Variants in PID1 observed in about 807,000 individuals in gnomAD.
PID1 encodes the protein PTB-containing, cubilin and LRP1-interacting protein.
In PID1, 10 loss-of-function variants were observed where a neutral mutation model predicts 19.1. The ratio of observed to expected loss-of-function variants is 0.52; its 90% CI spans 0.32 to 0.89. The LOEUF is 0.89. Among genes scored for constraint, PID1 ranks in the 40% least tolerant of loss-of-function variants. PID1 has a pLI of 0.03. For synonymous variants in PID1, 130 were observed against 116.0 expected (o/e 1.12, Z -0.78); for missense variants, 248 against 285.3 (o/e 0.87, Z 0.94).
chr2:229,179,573 A>G (rs1690895533), intron 1 of PID1, among the ~76,000 whole-genome samples: 1 of 152,214 alleles, frequency 6.6e-6, no homozygotes, highest in Non-Finnish European at 1.5e-5. Flanking sequence ...CATAGCGTCC[A>G]TTTAGTAAGA....
chr2:229,177,727 T>TTCATCA (rs375569112), intron 1 of PID1, among the ~76,000 whole-genome samples: 18 of 151,850 alleles, frequency 1.2e-4, no homozygotes, highest in African/African-American at 3.1e-4. Flanking sequence ...CCTGGCATCT[T>TTCATCA]TCATCATCAT....
intron 2 of PID1, among the ~76,000 whole-genome samples, chr2:229,069,141 TTTTGTGTGTG>T (rs897792259): frequency 3.9e-5 from 5 of 128,710 alleles, no homozygotes; most frequent in East Asian, 2.9e-4. Context: ...CGAGAAGGGT[TTTTGTGTGTG>T]TGTGTGTGTG....
intron 1 of PID1, among the ~76,000 whole-genome samples, chr2:229,235,764 A>G (rs1469787625): frequency 1.3e-5 from 2 of 152,152 alleles, no homozygotes; most frequent in Non-Finnish European, 2.9e-5. Context: ...AATCATTCCA[A>G]GAAACTGGCT....
intron 1 of PID1, among the ~76,000 whole-genome samples, chr2:229,218,697 T>G (rs531046888): frequency 4.6e-5 from 7 of 152,242 alleles, no homozygotes; most frequent in Non-Finnish European, 7.4e-5. Flanking sequence ...TTAGGAGCCC[T>G]GGGATTTAGG....
chr2:229,076,501 G>A (rs759997756), intron 2 of PID1, among the ~76,000 whole-genome samples: 10 of 151,908 alleles, frequency 6.6e-5, no homozygotes, highest in South Asian at 4.2e-4. Flanking sequence ...CCATCAACTC[G>A]TCATCTACAT....
chr2:229,176,442 G>C (rs1003610896), intron 1 of PID1, among the ~76,000 whole-genome samples: 1 of 152,080 alleles, frequency 6.6e-6, no homozygotes, highest in African/African-American at 2.4e-5. Flanking sequence ...GTTTCTATTA[G>C]GGAACCAGGC....
intron 2 of PID1, among the ~76,000 whole-genome samples, chr2:229,131,860 A>G (rs945130119): frequency 6.6e-6 from 1 of 152,158 alleles, no homozygotes; most frequent in Non-Finnish European, 1.5e-5. Flanking sequence ...ATTTATCTCA[A>G]TATCAGTCAT....
chr2:229,112,196 G>T (rs1559238086), intron 2 of PID1, among the ~76,000 whole-genome samples: 2 of 152,098 alleles, frequency 1.3e-5, no homozygotes, highest in Non-Finnish European at 2.9e-5. Context: ...CATAAACTTT[G>T]TATTATTATT....
intron 2 of PID1, among the ~76,000 whole-genome samples, chr2:229,136,485 T>C (rs1325080212): frequency 6.6e-6 from 1 of 152,232 alleles, no homozygotes; most frequent in African/African-American, 2.4e-5. Context: ...TGTTTTCTGG[T>C]ATTTCACTGG....
intron 2 of PID1, among the ~76,000 whole-genome samples, chr2:229,076,147 C>A (rs182963367): frequency 1.3e-5 from 2 of 152,222 alleles, no homozygotes; most frequent in African/African-American, 4.8e-5. Flanking sequence ...TTGCGTAGGG[C>A]CCAGTAATCT....
intron 2 of PID1, among the ~76,000 whole-genome samples, chr2:229,084,527 G>T (rs149186049): frequency 2.7e-4 from 41 of 152,244 alleles, no homozygotes; most frequent in African/African-American, 9.4e-4. Context: ...TATGAATTGC[G>T]ACTGTCTCAT....
intron 1 of PID1, among the ~76,000 whole-genome samples, chr2:229,167,469 T>C (rs1690623346): frequency 6.6e-6 from 1 of 152,052 alleles, no homozygotes; most frequent in South Asian, 2.1e-4. Context: ...CTGAATGTGA[T>C]CATTAGAAAA....
chr2:229,049,482 G>C (rs776579529), intron 2 of PID1, among the ~76,000 whole-genome samples: 15 of 152,130 alleles, frequency 9.9e-5, no homozygotes, highest in Non-Finnish European at 2.1e-4. Context: ...GTGGGTAGCT[G>C]AATTTATTTG....
chr2:229,029,808 C>T (rs1693507894), intron 2 of PID1, among the ~76,000 whole-genome samples: 1 of 149,722 alleles, frequency 6.7e-6, no homozygotes, highest in African/African-American at 2.5e-5. Context: ...TCACTGCACT[C>T]CAGCCTGGGT....
At chr2:229,217,395 T>G (rs1390714371) in intron 1 of PID1, among the ~76,000 whole-genome samples, 1 of 152,208 alleles carries the variant, frequency 6.6e-6, no homozygotes, top group Non-Finnish European at 1.5e-5. Flanking sequence ...AAGAAGAAAT[T>G]CAGTCAGAAA....
Position 229,027,445 on chromosome 2 carries a change from T to C in PID1, c.178-1337A>G, listed in dbSNP as rs544160120. On this transcript the variant is annotated intron_variant, in intron 2 of 2. Transcript: ENST00000392055. Reference sequence around the variant, plus strand: ...AGCACAGTCTTTGAGGCAGGTGAAGTTGAGGTTTAAATCCTAGCTCCACAG... The same window carrying C: ...AGCACAGTCTTTGAGGCAGGTGAAGCTGAGGTTTAAATCCTAGCTCCACAG... Among the ~76,000 whole-genome samples, 3 of 152,290 alleles carry C rather than the reference T, an allele frequency of 2.0e-5. No individual in the cohort carries two copies. In the East Asian group the frequency reaches 5.8e-4, roughly 29 times the overall value.
intron 1 of PID1, among the ~76,000 whole-genome samples, chr2:229,222,900 C>T (rs1559292081): frequency 2.5e-5 from 1 of 40,010 alleles, no homozygotes; most frequent in East Asian, 3.4e-4. Context: ...CACACACACA[C>T]ATGTACCCTA....
At chr2:229,128,996 T>G (rs1362067811) in intron 2 of PID1, among the ~76,000 whole-genome samples, 1 of 152,162 alleles carries the variant, frequency 6.6e-6, no homozygotes, top group Non-Finnish European at 1.5e-5. Flanking sequence ...AAACATCTCA[T>G]GTACCCCATA....
chr2:229,090,004 C>T (rs941245278), intron 2 of PID1, among the ~76,000 whole-genome samples: 1 of 152,058 alleles, frequency 6.6e-6, no homozygotes, highest in Non-Finnish European at 1.5e-5. Flanking sequence ...TTACGTACCC[C>T]AAATAAGAAA....
Sources: allele counts gnomAD v4.1 joint callset (sites outside exome capture counted in the v4.1 genomes callset), GRCh38; gene constraint gnomAD v4.1.1; transcripts MANE v1.5; gene names NCBI Gene and HGNC (gene_info 2026-07-23, HGNC 2026-07-21).